HMSD: variants seen among roughly 807,000 people sequenced by gnomAD.
HMSD encodes histocompatibility minor serpin domain containing.
Under a neutral mutation model 10.0 loss-of-function variants are expected in HMSD, and 13 were observed. The ratio of observed to expected loss-of-function variants is 1.31; its 90% CI spans 0.85 to 2.08. The LOEUF (loss-of-function observed/expected upper bound fraction) is 2.08, where lower values mean the gene tolerates loss of function less well. Ranked by LOEUF, HMSD falls within the 30% of genes most tolerant of loss-of-function variation. HMSD has a pLI of 0.00. For missense variants in HMSD, 169 were observed against 166.3 expected, an observed-to-expected ratio of 1.02 and a Z score of -0.09; for synonymous variants, 51 against 54.2, an observed-to-expected ratio of 0.94 and a Z score of 0.26.
At chr18:63,950,973 A>G (rs2050327553) in intron 1 of HMSD, among the ~76,000 whole-genome samples, 1 of 152,224 alleles carries the variant, frequency 6.6e-6, no homozygotes, top group Non-Finnish European at 1.5e-5. Flanking sequence ...GAAATATAAA[A>G]AGATAGAGTG....
chr18:63,954,634 T>G, intron 3 of HMSD, 77 bp downstream of exon 3: 2 of 1,265,518 alleles, frequency 1.6e-6, no homozygotes, highest in Non-Finnish European at 2.2e-6. Context: ...GGGCTATGAA[T>G]TCCTGCAGGT....
chr18:63,952,523 A>G (rs2050336614), intron 1 of HMSD, among the ~76,000 whole-genome samples: 1 of 152,114 alleles, frequency 6.6e-6, no homozygotes. Context: ...CTTTATTCTT[A>G]ATTTATACTT....
At chr18:63,963,133 C>CT (rs748638278), downstream of HMSD, among the ~76,000 whole-genome samples, 1 of 108,376 alleles carries the variant, frequency 9.2e-6, no homozygotes, top group African/African-American at 3.6e-5. Context: ...TTCTTTCTTT[C>CT]CTTTCTTTCT....
chr18:63,953,868 T>C (rs1288048924), intron 2 of HMSD, among the ~76,000 whole-genome samples: 1 of 152,222 alleles, frequency 6.6e-6, no homozygotes, highest in African/African-American at 2.4e-5. Context: ...TTCCTCAGGA[T>C]AGCTTGGGCT....
chr18:63,952,292 A>T (rs1285236920), intron 1 of HMSD, among the ~76,000 whole-genome samples: 1 of 152,118 alleles, frequency 6.6e-6, no homozygotes, highest in African/African-American at 2.4e-5. Context: ...TAATAATAAA[A>T]AAAAAAGATC....
intron 3 of HMSD, among the ~76,000 whole-genome samples, chr18:63,955,825 T>A (rs1250829919): frequency 3.3e-5 from 5 of 152,226 alleles, no homozygotes; most frequent in Admixed American, 2.0e-4. Flanking sequence ...CTGGGATCAG[T>A]GCGGTCAGGA....
At chr18:63,963,091 T>TTTCTTTCTCTTTC (rs1568261297), downstream of HMSD, among the ~76,000 whole-genome samples, 72 of 123,818 alleles carry the variant, frequency 5.8e-4, no homozygotes, top group African/African-American at 8.1e-4. Context: ...CTTTCTTTCT[T>TTTCTTTCTCTTTC]TCTTTCTTTC....
chr18:63,957,676 C>T (rs1376768235), intron 3 of HMSD, among the ~76,000 whole-genome samples: 1 of 152,092 alleles, frequency 6.6e-6, no homozygotes, highest in Non-Finnish European at 1.5e-5. Context: ...CATCTTTTTA[C>T]TAGCTTACTA....
chr18:63,954,636 C>A, intron 3 of HMSD, 79 bp downstream of exon 3: 1 of 1,261,176 alleles, frequency 7.9e-7, no homozygotes, highest in South Asian at 1.4e-5. Flanking sequence ...GCTATGAATT[C>A]CTGCAGGTGG....
At chr18:63,960,027 T>A (rs1000220067) in intron 3 of HMSD, 131 bp from the exon 4 acceptor site, 36 of 965,584 alleles carry the variant, frequency 3.7e-5, no homozygotes, top group Admixed American at 2.9e-5. Flanking sequence ...GGTTAATTCC[T>A]CATCTTTATT....
downstream of HMSD, among the ~76,000 whole-genome samples, chr18:63,965,533 G>A (rs537726912): frequency 5.3e-5 from 8 of 152,294 alleles, 1 homozygote; most frequent in African/African-American, 1.9e-4. Context: ...GCCATATCAG[G>A]AGCCTTTTTT....
downstream of HMSD, among the ~76,000 whole-genome samples, chr18:63,963,061 T>G (rs1179228950): frequency 0.023 from 3,017 of 129,288 alleles, 87 homozygotes; most frequent in Non-Finnish European, 0.033. Flanking sequence ...TTTCTTTCTT[T>G]CTTTTCTTTC....
intron 3 of HMSD, among the ~76,000 whole-genome samples, chr18:63,955,670 C>G (rs957295257): frequency 6.8e-6 from 1 of 146,418 alleles, no homozygotes; most frequent in African/African-American, 2.5e-5. Context: ...AAAGGAGCTC[C>G]TGATGCTGGC....
At chr18:63,956,267 C>A (rs2050357654) in intron 3 of HMSD, among the ~76,000 whole-genome samples, 1 of 152,094 alleles carries the variant, frequency 6.6e-6, no homozygotes, top group South Asian at 2.1e-4. Flanking sequence ...AAGAAACTAT[C>A]AACAGTGTAA....
At chr18:63,964,200 A>T (rs2050401404), downstream of HMSD, among the ~76,000 whole-genome samples, 2 of 152,186 alleles carry the variant, frequency 1.3e-5, no homozygotes. Context: ...ACATTCAGTC[A>T]TGTTAGTTTG....
intron 3 of HMSD, among the ~76,000 whole-genome samples, chr18:63,957,058 A>G (rs557548717): frequency 6.6e-6 from 1 of 152,292 alleles, no homozygotes; most frequent in East Asian, 1.9e-4. Flanking sequence ...AATAACAGAT[A>G]TGGGGGCTTA....
In HMSD at chr18:63,950,415, CAAAAAAAAAAAAAA is replaced by C. The variant is rs562421091; in HGVS notation, c.-103+1029_-103+1042del. Among the ~76,000 whole-genome samples the C allele has an allele frequency of 3.7e-3, 146 of 39,076 alleles. 1 individual carries two copies. The highest frequency in any genetic ancestry group is 0.048 in the Middle Eastern group (2 of 42). 25.6% of individuals were successfully genotyped at this position (39,076 alleles called of 152,430 possible). A position where few individuals can be genotyped will look rare whatever the true frequency, so the allele number is the denominator to read the frequency against. On this transcript the variant is annotated intron_variant, in intron 1 of 3. Transcript: ENST00000408945. ...TGAGGGACAAAGCGAGACTCTCTCT[CAAAAAAAAAAAAAA>C]AAAAAAAAAAAAATGTAAGATGAGT...
At chr18:63,964,199 C>T (rs17072300), downstream of HMSD, among the ~76,000 whole-genome samples, 5,556 of 152,210 alleles carry the variant, frequency 0.037, 165 homozygotes, top group Non-Finnish European at 0.056. Context: ...GACATTCAGT[C>T]ATGTTAGTTT....
chr18:63,954,190 C>T (rs1369115630), intron 2 of HMSD, among the ~76,000 whole-genome samples: 1 of 152,144 alleles, frequency 6.6e-6, no homozygotes, highest in East Asian at 1.9e-4. Context: ...AGATAACATT[C>T]GTTTCTTTTA....
Sources: allele counts gnomAD v4.1 joint callset (sites outside exome capture counted in the v4.1 genomes callset), GRCh38; gene constraint gnomAD v4.1.1; transcripts MANE v1.5; gene names NCBI Gene and HGNC (gene_info 2026-07-23, HGNC 2026-07-21).